Variants in IFT172 observed in about 807,000 individuals in gnomAD.
IFT172 encodes the protein intraflagellar transport protein 172 homolog.
Under a neutral mutation model 248.9 loss-of-function variants are expected in IFT172, and 164 were observed. That is an observed-to-expected ratio of 0.66 (90% CI 0.58 to 0.75). The LOEUF (loss-of-function observed/expected upper bound fraction) is 0.75, where lower values mean the gene tolerates loss of function less well. Among genes scored for constraint, IFT172 ranks in the 30% least tolerant of loss-of-function variants. The pLI is 0.00. For synonymous variants in IFT172, 729 were observed against 791.6 expected (o/e 0.92, Z 1.33); for missense variants, 1,950 against 2,192.4 (o/e 0.89, Z 2.21).
intron 20 of IFT172, among the ~76,000 whole-genome samples, chr2:27,462,468 G>T (rs576826857): frequency 4.5e-4 from 68 of 152,310 alleles, no homozygotes; most frequent in African/African-American, 1.6e-3. Context: ...GCTTATGAAA[G>T]AAAGTAGTAA....
At chr2:27,464,485 T>G (rs1047515590) in intron 18 of IFT172, among the ~76,000 whole-genome samples, 6 of 152,124 alleles carry the variant, frequency 3.9e-5, no homozygotes, top group Non-Finnish European at 5.9e-5. Context: ...GTTTGTCCTG[T>G]GAACTGCACT....
rs1668019388 is a variant in IFT172, at chr2:27,477,238, A to T, written c.1304T>A (p.Phe435Tyr). ...TTACCTGATGAGGTGGGGGTTCATG[A>T]ATTCAGTGCGTACAGAACCCAGGGT... is the stretch of plus-strand genomic sequence containing the variant. ...NDTLGSVRTE[F>Y]MNPHLISVRI... The change falls in exon 13 of 48, where the codon TTC becomes TAC. Residue 435 changes from phenylalanine to tyrosine, a missense_variant. Physicochemically the swap from Phe to Tyr is conservative, Grantham distance 22. This residue lies in a region of IFT172 where 1,166 missense variants were observed against 1,254.1 expected (regional missense o/e 0.93). Transcript: ENST00000260570. 6.2e-7 allele frequency: 1 copy of T among 1,614,100 alleles called. No individual in the cohort carries two copies. The highest frequency in any genetic ancestry group is 8.5e-7 in the Non-Finnish European group (1 of 1,179,940).
At position 27,480,137 on chromosome 2, in the gene IFT172, G is replaced by A. The variant is rs755850960; in HGVS notation, c.798C>T (p.Phe266=). 1.9e-6 allele frequency: 3 copies of A among 1,613,832 alleles called. No homozygotes were observed. In the Admixed American group the frequency reaches 5.0e-5, roughly 27 times the overall value. ...VLGSYDRLRV[F]NWIPRRSIWE... ...AGATGCTTCTTCGAGGGATCCAGTT[G>A]AACACCCGAAGCCTGAAATAAAGTA... is the stretch of plus-strand genomic sequence containing the variant. The change falls in exon 9 of 48, where the codon TTC becomes TTT. Residue 266 remains phenylalanine, a synonymous_variant. Transcript: ENST00000260570.
At chr2:27,456,488 GGA>G in intron 30 of IFT172, 21 bp downstream of exon 30, 1 of 1,605,158 alleles carries the variant, frequency 6.2e-7, no homozygotes, top group South Asian at 1.1e-5. Context: ...TGGGGCCCGT[GGA>G]GAGAAAGCTT....
chr2:27,445,365 G>A lies in IFT172; in HGVS notation c.4999C>T (p.Arg1667Cys), dbSNP rs757212554. The change falls in exon 46 of 48, where the codon CGT becomes TGT. Residue 1667 changes from arginine (R) to cysteine (C), a missense_variant. By Grantham distance (180) the Arg-to-Cys change is radical. Transcript: ENST00000260570. The surrounding 1 kb of genome is among the most constrained non-coding windows in gnomAD (Gnocchi z 4.4). ...RLEQVLPRDERGAYEASLVAA... is the reference protein window; with the variant it reads ...RLEQVLPRDECGAYEASLVAA... ...ACTAGGGAGGCCTCGTAGGCGCCAC[G>A]CTCATCCCGAGGCAGAACCTGCTCC... is the stretch of plus-strand genomic sequence containing the variant. 11 of 1,613,152 alleles carry A rather than the reference G, an allele frequency of 6.8e-6. No homozygotes were observed. The highest frequency in any genetic ancestry group is 2.2e-5 in the South Asian group (2 of 90,924).
At chr2:27,449,965 T>C (rs769504129) in intron 36 of IFT172, 33 bp downstream of exon 36, 3 of 1,573,634 alleles carry the variant, frequency 1.9e-6, no homozygotes, top group Non-Finnish European at 1.7e-6. Context: ...CTCTGTGAAA[T>C]CTATTTCTGT....
intron 41 of IFT172, 54 bp downstream of exon 41, chr2:27,447,758 A>C: frequency 3.8e-6 from 6 of 1,599,028 alleles, no homozygotes; most frequent in Non-Finnish European, 4.3e-6. Flanking sequence ...GTTTATGTGC[A>C]TCAAAGAAGA....
intron 7 of IFT172, among the ~76,000 whole-genome samples, 180 bp from the exon 8 acceptor site, chr2:27,481,440 C>A (rs1181265558): frequency 6.6e-6 from 1 of 151,258 alleles, no homozygotes; most frequent in Non-Finnish European, 1.5e-5. Flanking sequence ...CACACACACA[C>A]ACACACACAC....
chr2:27,458,505 A>G (rs1666363431), intron 26 of IFT172, among the ~76,000 whole-genome samples: 1 of 152,174 alleles, frequency 6.6e-6, no homozygotes, highest in Non-Finnish European at 1.5e-5. Context: ...GAACAAAGTC[A>G]TCAATGTGAC....
chr2:27,465,307 G>T, intron 18 of IFT172, 104 bp downstream of exon 18: 2 of 895,824 alleles, frequency 2.2e-6, no homozygotes, highest in Non-Finnish European at 3.7e-6. Flanking sequence ...CAGTGGGAAG[G>T]GAGGGAGTAC....
At chr2:27,450,629 C>A (rs896041134) in intron 35 of IFT172, among the ~76,000 whole-genome samples, 1 of 152,146 alleles carries the variant, frequency 6.6e-6, no homozygotes, top group Non-Finnish European at 1.5e-5. Flanking sequence ...CTTGCTATGT[C>A]GCCCAGGCTG....
intron 14 of IFT172, 29 bp downstream of exon 14, chr2:27,476,612 T>C: frequency 7.6e-7 from 1 of 1,315,136 alleles, no homozygotes; most frequent in Non-Finnish European, 1.1e-6. Context: ...TCTATTTTGT[T>C]ATTAAAATTA....
intron 6 of IFT172, 70 bp from the exon 7 acceptor site, chr2:27,483,446 G>A: frequency 1.4e-6 from 2 of 1,403,054 alleles, no homozygotes; most frequent in Admixed American, 3.4e-5. Flanking sequence ...CCCTTTCTCT[G>A]TCAAACACAA....
intron 35 of IFT172, among the ~76,000 whole-genome samples, chr2:27,451,426 C>T (rs1385718580): frequency 6.6e-6 from 1 of 152,180 alleles, no homozygotes; most frequent in Admixed American, 6.5e-5. Flanking sequence ...CAGCCCCTCT[C>T]TTTCTACTTC....
At chr2:27,470,778 G>T (rs2148527812) in intron 16 of IFT172, 150 bp downstream of exon 16, 2 of 657,252 alleles carry the variant, frequency 3.0e-6, no homozygotes, top group Non-Finnish European at 4.8e-6. Flanking sequence ...GGTTCTGGGG[G>T]CTGGTCCATA....
At chr2:27,451,521 T>C (rs1478447843) in intron 35 of IFT172, among the ~76,000 whole-genome samples, 3 of 152,166 alleles carry the variant, frequency 2.0e-5, no homozygotes, top group Non-Finnish European at 4.4e-5. Context: ...CCCAGCACTT[T>C]GGGAGGCCAA....
At position 27,445,216 on chromosome 2, in the gene IFT172, T is replaced by C. The variant is rs2148465143; in HGVS notation, c.5068+80A>G. ...CAGTCCTGTCTTTTGTACCCTTTAC[T>C]GAATCCTAGTAAAATTAAGTTTATT... On this transcript the variant is annotated intron_variant, in intron 46 of 47. Coordinates refer to ENST00000260570, the MANE Select transcript of IFT172 (RefSeq NM_015662.3). The surrounding 1 kb of genome is among the most constrained non-coding windows in gnomAD (Gnocchi z 4.4). The C allele has an allele frequency of 1.3e-6, 2 of 1,582,236 alleles. No homozygotes were observed. The highest frequency in any genetic ancestry group is 4.5e-5 in the East Asian group (2 of 44,488).
At chr2:27,468,643 A>G (rs924201156) in intron 16 of IFT172, among the ~76,000 whole-genome samples, 9 of 151,928 alleles carry the variant, frequency 5.9e-5, no homozygotes, top group South Asian at 2.1e-4. Context: ...AGGTCAGGAG[A>G]TCAAGACCAT....
At chr2:27,482,570 T>C (rs1260329) in intron 7 of IFT172, among the ~76,000 whole-genome samples, 73,014 of 152,066 alleles carry the variant, frequency 0.48, 18,921 homozygotes, top group African/African-American at 0.67. Flanking sequence ...CAGGCACGGC[T>C]CACAAGTAAT....
Sources: allele counts gnomAD v4.1 joint callset (sites outside exome capture counted in the v4.1 genomes callset), GRCh38; gene constraint gnomAD v4.1.1; regional missense constraint gnomAD v4.1.1; non-coding constraint Gnocchi (gnomAD v3.1); transcripts MANE v1.5; gene names NCBI Gene and HGNC (gene_info 2026-07-23, HGNC 2026-07-21).